The following ADAMTSL3 variants were observed in gnomAD, a reference collection of about 807,000 sequenced individuals.
The protein encoded by ADAMTSL3 is ADAMTS like 3, also known as ADAMTS-like protein 3.
Under a neutral mutation model 201.7 loss-of-function variants are expected in ADAMTSL3, and 128 were observed. The ratio of observed to expected loss-of-function variants is 0.63; its 90% CI spans 0.55 to 0.73. The LOEUF (loss-of-function observed/expected upper bound fraction) is 0.73, where lower values mean the gene tolerates loss of function less well. Among genes scored for constraint, ADAMTSL3 ranks in the 30% least tolerant of loss-of-function variants. The pLI is 0.00. For missense variants in ADAMTSL3, 1,990 were observed against 2,119.6 expected, an observed-to-expected ratio of 0.94 and a Z score of 1.20; for synonymous variants, 738 against 748.4, an observed-to-expected ratio of 0.99 and a Z score of 0.23.
intron 19 of ADAMTSL3, among the ~76,000 whole-genome samples, chr15:83,944,726 C>A (rs2066623322): frequency 6.6e-6 from 1 of 152,176 alleles, no homozygotes; most frequent in Admixed American, 6.5e-5. Context: ...GCTTTTGAGT[C>A]CAACAGACCC....
chr15:83,664,429 C>G (rs2061220033), intron 2 of ADAMTSL3, among the ~76,000 whole-genome samples: 3 of 152,144 alleles, frequency 2.0e-5, no homozygotes, highest in Non-Finnish European at 4.4e-5. Flanking sequence ...AAATGCTTCT[C>G]AAACCAAAGT....
At chr15:83,804,123 A>G (rs773147243) in intron 4 of ADAMTSL3, among the ~76,000 whole-genome samples, 24 of 150,652 alleles carry the variant, frequency 1.6e-4, no homozygotes, top group Non-Finnish European at 3.3e-4. Context: ...AGCCTGGGCG[A>G]CAGAGTGAGA....
chr15:83,773,468 T>C, intron 3 of ADAMTSL3, 55 bp from the exon 4 acceptor site: 1 of 1,580,294 alleles, frequency 6.3e-7, no homozygotes, highest in South Asian at 1.2e-5. Flanking sequence ...CTACCACATT[T>C]GCCTATACTT....
chr15:84,036,697 G>A, intron 28 of ADAMTSL3, 76 bp from the exon 29 acceptor site: 1 of 1,166,668 alleles, frequency 8.6e-7, no homozygotes, highest in South Asian at 1.5e-5. Context: ...AGGTAAAAAG[G>A]CTTGGTCCCA....
intron 2 of ADAMTSL3, among the ~76,000 whole-genome samples, chr15:83,698,636 C>G (rs2061721550): frequency 7.4e-6 from 1 of 135,146 alleles, no homozygotes; most frequent in Admixed American, 7.1e-5. Context: ...GCCACTGAGT[C>G]TTCCTGACAT....
chr15:83,822,774 C>G (rs533279852), intron 6 of ADAMTSL3, among the ~76,000 whole-genome samples: 5,654 of 151,742 alleles, frequency 0.037, 273 homozygotes, highest in African/African-American at 0.13. Flanking sequence ...AGAGACGCTC[C>G]TCACTTCCCA....
At chr15:83,893,930 A>G (rs1169358708) in intron 13 of ADAMTSL3, among the ~76,000 whole-genome samples, 2 of 152,210 alleles carry the variant, frequency 1.3e-5, no homozygotes, top group African/African-American at 4.8e-5. Flanking sequence ...CACTTAGTTC[A>G]TCATATATGT....
At chr15:83,778,032 A>G (rs1596190100) in intron 4 of ADAMTSL3, among the ~76,000 whole-genome samples, 1 of 152,204 alleles carries the variant, frequency 6.6e-6, no homozygotes, top group South Asian at 2.1e-4. Flanking sequence ...GAGCTTGAAG[A>G]CTGGCTTTCT....
Position 84,037,788 on chromosome 15 carries a change from G to A in ADAMTSL3, c.5058G>A (p.Gln1686=). 1.2e-6 allele frequency: 2 copies of A among 1,613,878 alleles called. No individual in the cohort carries two copies. The highest frequency in any genetic ancestry group is 1.7e-6 in the Non-Finnish European group (2 of 1,179,960). The change falls in exon 30 of 30, where the codon CAG becomes CAA. Residue 1686 remains glutamine, a synonymous_variant. Transcript: ENST00000286744. ...ACCGCTACAAACAAAGGTGCTGCCA[G>A]TCATGTCAAGAGGGATAAACCTTTG... ...SLDRYKQRCC[Q]SCQEG
intron 5 of ADAMTSL3, among the ~76,000 whole-genome samples, chr15:83,813,496 A>C (rs944010494): frequency 1.3e-5 from 2 of 152,236 alleles, no homozygotes; most frequent in African/African-American, 4.8e-5. Context: ...ACATGCATTC[A>C]CAGCACATAG....
chr15:83,791,406 T>C (rs2063342646), intron 4 of ADAMTSL3, among the ~76,000 whole-genome samples: 1 of 152,270 alleles, frequency 6.6e-6, no homozygotes, highest in South Asian at 2.1e-4. Context: ...GATGGAACAG[T>C]ATACAGAGCT....
chr15:83,798,791 A>G (rs930464752), intron 4 of ADAMTSL3, among the ~76,000 whole-genome samples: 65 of 128,090 alleles, frequency 5.1e-4, no homozygotes, highest in African/African-American at 1.7e-3. Flanking sequence ...TGAGCGACAG[A>G]GTGGGACTCC....
intron 23 of ADAMTSL3, among the ~76,000 whole-genome samples, chr15:84,001,596 C>G (rs1372800330): frequency 6.6e-6 from 1 of 152,144 alleles, no homozygotes; most frequent in African/African-American, 2.4e-5. Flanking sequence ...GAATAGGCAC[C>G]ACGCAGGAGG....
intron 6 of ADAMTSL3, among the ~76,000 whole-genome samples, chr15:83,822,005 T>G (rs6602994): frequency 2.5e-5 from 3 of 118,728 alleles, no homozygotes; most frequent in Non-Finnish European, 3.7e-5. Context: ...GTTGCTGACC[T>G]CCCCCACCTC....
In ADAMTSL3 at chr15:83,858,773, A is replaced by T. The variant is rs779162812; in HGVS notation, c.735A>T (p.Glu245Asp). 1 of 1,613,768 alleles carries T rather than the reference A, an allele frequency of 6.2e-7. No homozygotes were observed. Among genetic ancestry groups the T allele is most frequent in the Admixed American group, 1.7e-5 (1 of 59,978 alleles). ...CGTTCTGTTCTTTCCCAGGAGAAGA[A>T]AATGTAATTGCTGTTCCTTTGGGAA... is the stretch of plus-strand genomic sequence containing the variant. ...KSHVSPEKRE[E>D]NVIAVPLGSR... Residue 245 changes from glutamate to aspartate, a missense_variant, in exon 8 of 30, where the codon GAA becomes GAT. Physicochemically the swap from Glu to Asp is conservative, Grantham distance 45. Coordinates refer to ENST00000286744, the MANE Select transcript of ADAMTSL3 (RefSeq NM_207517.3).
At chr15:83,763,741 G>A (rs1250144045) in intron 3 of ADAMTSL3, among the ~76,000 whole-genome samples, 3 of 152,158 alleles carry the variant, frequency 2.0e-5, no homozygotes, top group South Asian at 2.1e-4. Context: ...TCCTGACCTC[G>A]TGATCCGCCC....
chr15:84,021,627 C>G, intron 26 of ADAMTSL3, 34 bp downstream of exon 26: 1 of 1,597,672 alleles, frequency 6.3e-7, no homozygotes, highest in Non-Finnish European at 8.5e-7. Context: ...CTCATCAACA[C>G]CAAGTTTTTG....
intron 20 of ADAMTSL3, among the ~76,000 whole-genome samples, chr15:83,973,525 A>G (rs2067231241): frequency 1.3e-5 from 2 of 152,208 alleles, no homozygotes; most frequent in Admixed American, 6.5e-5. Flanking sequence ...AGAAAATAAT[A>G]TCACCGTGCT....
chr15:83,787,112 TG>T (rs2063277144), intron 4 of ADAMTSL3, among the ~76,000 whole-genome samples: 1 of 152,218 alleles, frequency 6.6e-6, no homozygotes. Flanking sequence ...AAATGCCTTT[TG>T]AGTCCTCATT....
Sources: allele counts gnomAD v4.1 joint callset (sites outside exome capture counted in the v4.1 genomes callset), GRCh38; gene constraint gnomAD v4.1.1; transcripts MANE v1.5; gene names NCBI Gene and HGNC (gene_info 2026-07-23, HGNC 2026-07-21).